Variants in EDEM1 observed in about 807,000 individuals in gnomAD.
EDEM1 encodes ER degradation-enhancing alpha-mannosidase-like protein 1.
EDEM1 carries 67 observed loss-of-function variants against 74.4 expected under a neutral mutation model. The ratio of observed to expected loss-of-function variants is 0.90; its 90% CI spans 0.74 to 1.10. The LOEUF (loss-of-function observed/expected upper bound fraction) is 1.10, where lower values mean the gene tolerates loss of function less well. Ranked by LOEUF, EDEM1 falls within the 50% of genes least tolerant of loss-of-function variation. EDEM1 has a pLI of 0.00. For synonymous variants in EDEM1, 382 were observed against 335.9 expected (o/e 1.14, Z -1.50); for missense variants, 926 against 851.6 (o/e 1.09, Z -1.09).
At chr3:5,207,331 C>T in intron 7 of EDEM1, 58 bp downstream of exon 7, 2 of 1,597,462 alleles carry the variant, frequency 1.3e-6, no homozygotes, top group Non-Finnish European at 1.7e-6. Flanking sequence ...CTTCTCCCTC[C>T]TTTTCTTTCT....
At position 5,208,327 on chromosome 3, in the gene EDEM1, T is replaced by C; in HGVS notation, c.1509+64T>C. 1.8e-5 allele frequency: 28 copies of C among 1,545,788 alleles called. 1 individual carries two copies. The South Asian group carries it at 3.3e-4, about 18-fold the overall frequency. On this transcript the variant is annotated intron_variant, in intron 8 of 11. Coordinates refer to ENST00000256497, the MANE Select transcript of EDEM1 (RefSeq NM_014674.3). ...CTCCCCTGACCCCAGCAGTTCATTC[T>C]TAATGAACATTTGCTGAGTGATTTA... is the stretch of plus-strand genomic sequence containing the variant.
At position 5,219,474 on chromosome 3, in the gene EDEM1, C is replaced by T. The variant is rs774593584; in HGVS notation, c.*3556C>T. On this transcript the variant is annotated 3_prime_UTR_variant, in exon 12 of 12. Coordinates refer to ENST00000256497, the MANE Select transcript of EDEM1 (RefSeq NM_014674.3). ...ATCGAGGAGGTGGGACGGGCTGGGC[C>T]CTGTGTCCCAGGTTTCACAGGGCTC... The T allele has an allele frequency of 3.3e-5, 5 of 152,200 alleles. No homozygotes were observed. The highest frequency in any genetic ancestry group is 7.4e-5 in the Non-Finnish European group (5 of 68,004). 9.4% of individuals were successfully genotyped at this position (152,200 alleles called of 1,614,324 possible).
At chr3:5,214,813 T>G (rs1484808609) in intron 11 of EDEM1, among the ~76,000 whole-genome samples, 1 of 152,164 alleles carries the variant, frequency 6.6e-6, no homozygotes, top group Non-Finnish European at 1.5e-5. Context: ...ATCCCATGAT[T>G]CCAGGCACCA....
At chr3:5,200,461 GTC>G (rs2055021649) in intron 3 of EDEM1, among the ~76,000 whole-genome samples, 3 of 152,120 alleles carry the variant, frequency 2.0e-5, no homozygotes, top group African/African-American at 7.2e-5. Flanking sequence ...TTCTCTCTCT[GTC>G]TCTCTCTTTT....
intron 1 of EDEM1, chr3:5,189,327 TAAGG>T (rs779134933): frequency 1.5e-4 from 23 of 152,176 alleles, no homozygotes; most frequent in Non-Finnish European, 2.5e-4. Flanking sequence ...TAGGTTCTGA[TAAGG>T]AAGCCTATAG....
chr3:5,201,993 A>G lies in EDEM1; in HGVS notation c.858+69A>G, dbSNP rs2055040563. On this transcript the variant is annotated intron_variant, in intron 4 of 11. Coordinates refer to ENST00000256497, the MANE Select transcript of EDEM1 (RefSeq NM_014674.3). ...CTTCCTGAATTAAAATTCTTTGCTT[A>G]CTAATTTATTTGGGAGAAGGAATGG... The G allele has an allele frequency of 3.3e-6, 5 of 1,527,808 alleles. No individual in the cohort carries two copies. The East Asian group carries it at 9.1e-5, about 28-fold the overall frequency. 94.6% of individuals were successfully genotyped at this position (1,527,808 alleles called of 1,614,324 possible).
At chr3:5,194,710 A>G (rs887963284) in intron 1 of EDEM1, among the ~76,000 whole-genome samples, 3 of 152,164 alleles carry the variant, frequency 2.0e-5, no homozygotes, top group Non-Finnish European at 4.4e-5. Flanking sequence ...GTTAATTTAT[A>G]CCCCCAACCA....
rs748528810 is a variant in EDEM1 at position 5,188,178 on chromosome 3, C to G, written c.373C>G (p.Gln125Glu). Residue 125 changes from glutamine (Q) to glutamate (E), a missense_variant, in exon 1 of 12, where the codon CAG becomes GAG. Physicochemically the swap from Gln to Glu is conservative, Grantham distance 29 (BLOSUM62 2). Transcript: ENST00000256497. ...EKRYSGAFPP[Q>E]LRAQMRDLAR... ...GCGCTACAGCGGCGCCTTCCCTCCG[C>G]AGCTGCGTGCCCAGATGCGCGACCT... is the stretch of plus-strand genomic sequence containing the variant. The G allele has an allele frequency of 1.9e-5, 29 of 1,564,002 alleles. No homozygotes were observed. The South Asian group carries it at 3.3e-4, about 18-fold the overall frequency.
chr3:5,188,137 C>A lies in EDEM1; in HGVS notation c.332C>A (p.Pro111Gln). 6.5e-7 allele frequency: 1 copy of A among 1,532,610 alleles called. No homozygotes were observed. The highest frequency in any genetic ancestry group is 2.0e-5 in the Admixed American group (1 of 48,996). The allele number at this position is 1,532,610 out of a possible 1,614,324, so 94.9% of individuals were successfully genotyped here. The change falls in exon 1 of 12, where the codon CCG (proline) becomes CAG (glutamine). Residue 111 changes from proline (P) to glutamine (Q), a missense_variant. Coordinates refer to ENST00000256497, the MANE Select transcript of EDEM1 (RefSeq NM_014674.3). ...GTGCTGGGCGGCCGGGGCCGCGGCC[C>A]GGACGAGTACGAGAAGCGCTACAGC... is the stretch of plus-strand genomic sequence containing the variant. ...GYVLGGRGRG[P>Q]DEYEKRYSGA...
chr3:5,207,753 C>T (rs900751303), intron 7 of EDEM1, among the ~76,000 whole-genome samples: 2 of 152,174 alleles, frequency 1.3e-5, no homozygotes, highest in African/African-American at 4.8e-5. Flanking sequence ...GGTGATCTGC[C>T]CGCCTCAGCC....
chr3:5,210,214 A>G lies in EDEM1; in HGVS notation c.1549A>G (p.Ile517Val). ...CTTCTACCTCCATGTAGGAATGGATATTCTGCAGAGTCTGGAAAAGTACAC... is the reference window on the plus strand; with the variant it reads ...CTTCTACCTCCATGTAGGAATGGATGTTCTGCAGAGTCTGGAAAAGTACAC... ...NPFYLHVGMD[I>V]LQSLEKYTKV... Residue 517 changes from isoleucine to valine, a missense_variant, in exon 9 of 12, where the codon ATT becomes GTT. Ile to Val is a conservative substitution (Grantham distance 29). Transcript: ENST00000256497. The G allele has an allele frequency of 6.2e-6, 10 of 1,614,248 alleles. No homozygotes were observed. The highest frequency in any genetic ancestry group is 1.3e-5 in the African/African-American group (1 of 75,072).
intron 1 of EDEM1, 189 bp downstream of exon 1, chr3:5,188,503 C>T (rs575995277): frequency 2.5e-4 from 133 of 542,380 alleles, no homozygotes; most frequent in African/African-American, 2.3e-3. Flanking sequence ...GCGGGGTGGG[C>T]CGGTGGCCTT....
intron 11 of EDEM1, among the ~76,000 whole-genome samples, chr3:5,214,995 C>T (rs116409749): frequency 0.011 from 1,647 of 152,184 alleles, 28 homozygotes; most frequent in African/African-American, 0.038. Context: ...TGCTGGAGAT[C>T]CTTGAAGGAT....
At chr3:5,189,421 C>T (rs78664388) in intron 1 of EDEM1, 13 of 152,186 alleles carry the variant, frequency 8.5e-5, no homozygotes, top group Admixed American at 8.5e-4. Context: ...AGCATGATTT[C>T]TACCGAAGCA....
rs1311942719 is a variant in EDEM1 at position 5,216,000 on chromosome 3, G to A, written c.*82G>A. 1.7e-6 allele frequency: 2 copies of A among 1,177,850 alleles called. No individual in the cohort carries two copies. The highest frequency in any genetic ancestry group is 1.5e-5 in the African/African-American group (1 of 64,654). The allele number at this position is 1,177,850 out of a possible 1,614,324, so 73.0% of individuals were successfully genotyped here. On this transcript the variant is annotated 3_prime_UTR_variant, in exon 12 of 12. Transcript: ENST00000256497. Reference sequence around the variant, plus strand: ...TGCCAAAGTCCAGTCTGAAATGAAAGGGGACAGAAGTCTTGCTGTCCATGG... The same window carrying A: ...TGCCAAAGTCCAGTCTGAAATGAAAAGGGACAGAAGTCTTGCTGTCCATGG...
chr3:5,188,397 GGGGCCCCCGA>G (rs2054856463), intron 1 of EDEM1, 83 bp downstream of exon 1: 2 of 1,307,516 alleles, frequency 1.5e-6, no homozygotes, highest in African/African-American at 3.1e-5. Context: ...TCTGTCCTCC[GGGGCCCCCGA>G]GGGCGCCAGG....
rs1286401352 is a variant in EDEM1, at chr3:5,205,117, C to G, written c.1093C>G (p.Leu365Val). 6.2e-7 allele frequency: 1 copy of G among 1,614,214 alleles called. No homozygotes were observed. The highest frequency in any genetic ancestry group is 1.3e-5 in the African/African-American group (1 of 75,050). ...TGHWVGKQSG[L>V]GAGLDSFYEY... ...CCACTGGGTTGGAAAGCAGAGTGGC[C>G]TGGGTGCCGGGCTGGACTCCTTCTA... is the stretch of plus-strand genomic sequence containing the variant. The change falls in exon 6 of 12, where the codon CTG becomes GTG. Residue 365 changes from leucine (L) to valine (V), a missense_variant. Coordinates refer to ENST00000256497, the MANE Select transcript of EDEM1 (RefSeq NM_014674.3).
intron 6 of EDEM1, among the ~76,000 whole-genome samples, chr3:5,206,210 CTT>C (rs762318338): frequency 2.8e-4 from 39 of 139,940 alleles, no homozygotes; most frequent in Admixed American, 3.6e-4. Flanking sequence ...CCAGATCTTT[CTT>C]TTTTTTTTTT....
intron 1 of EDEM1, 139 bp from the exon 2 acceptor site, chr3:5,195,070 T>C: frequency 2.2e-6 from 1 of 458,418 alleles, no homozygotes; most frequent in Non-Finnish European, 3.8e-6. Context: ...AGAAAGACCT[T>C]TGCTGTATTA....
Sources: gnomAD v4.1 joint callset for allele counts (sites outside exome capture counted in the v4.1 genomes callset) on GRCh38, gnomAD v4.1.1 for gene constraint, MANE v1.5 for transcripts, NCBI Gene and HGNC (gene_info 2026-07-23, HGNC 2026-07-21) for gene names.